Variants in CAB39 observed in about 807,000 individuals in gnomAD.
The protein encoded by CAB39 is calcium-binding protein 39.
In CAB39, 8 loss-of-function variants were observed where a neutral mutation model predicts 40.0. The observed-to-expected ratio is 0.20, with a 90% CI of 0.12 to 0.36. The LOEUF (loss-of-function observed/expected upper bound fraction) is 0.36, where lower values mean the gene tolerates loss of function less well. Among genes scored for constraint, CAB39 ranks in the 10% least tolerant of loss-of-function variants. The pLI, the probability that CAB39 is intolerant of heterozygous loss-of-function variation, is 1.00. For missense variants in CAB39, 270 were observed against 401.1 expected (o/e 0.67, Z 2.79); for synonymous variants, 156 against 141.6 (o/e 1.10, Z -0.72).
intron 2 of CAB39, among the ~76,000 whole-genome samples, chr2:230,785,389 A>T (rs866321316): frequency 1.6e-4 from 2 of 12,820 alleles, no homozygotes; most frequent in African/African-American, 5.6e-4. Context: ...GCAGGGGGGC[A>T]GGGGGGCAGG....
intron 2 of CAB39, among the ~76,000 whole-genome samples, chr2:230,776,024 T>C (rs781417119): frequency 2.6e-5 from 4 of 152,072 alleles, no homozygotes; most frequent in Non-Finnish European, 5.9e-5. Context: ...TTTTTAAGGT[T>C]TTTGGCAGGC....
chr2:230,797,345 T>C (rs902449430), intron 4 of CAB39, among the ~76,000 whole-genome samples: 1 of 152,162 alleles, frequency 6.6e-6, no homozygotes, highest in African/African-American at 2.4e-5. Context: ...TTAAATAATA[T>C]TTATGATTCA....
At chr2:230,795,985 T>G (rs1695979804) in intron 4 of CAB39, among the ~76,000 whole-genome samples, 1 of 152,206 alleles carries the variant, frequency 6.6e-6, no homozygotes, top group South Asian at 2.1e-4. Context: ...AGTCATTACT[T>G]TCTTGTGTCC....
At chr2:230,732,711 T>A (rs1316155575) in intron 1 of CAB39, among the ~76,000 whole-genome samples, 1 of 152,180 alleles carries the variant, frequency 6.6e-6, no homozygotes, top group African/African-American at 2.4e-5. Flanking sequence ...ATCAGTTAGA[T>A]CAGCCTGTTC....
chr2:230,813,561 TTC>T (rs1696341777), intron 6 of CAB39, among the ~76,000 whole-genome samples: 1 of 152,226 alleles, frequency 6.6e-6, no homozygotes, highest in Non-Finnish European at 1.5e-5. Flanking sequence ...GAATTACTTT[TTC>T]TCTTTGCCTG....
chr2:230,798,059 A>G (rs1487726943), intron 4 of CAB39, among the ~76,000 whole-genome samples: 1 of 152,080 alleles, frequency 6.6e-6, no homozygotes, highest in African/African-American at 2.4e-5. Context: ...GTGTCTCTCT[A>G]ATGGCGGGGA....
chr2:230,739,736 C>A (rs958766095), intron 1 of CAB39, among the ~76,000 whole-genome samples: 1 of 152,170 alleles, frequency 6.6e-6, no homozygotes. Flanking sequence ...TCGGGTGATC[C>A]GCCCACCTCG....
In CAB39 at chr2:230,805,639, A is replaced by G. The variant is rs138294197; in HGVS notation, c.568-4624A>G. Among the ~76,000 whole-genome samples the G allele has an allele frequency of 2.4e-3, 358 of 152,332 alleles. 1 individual carries two copies. The highest frequency in any genetic ancestry group is 4.0e-3 in the Non-Finnish European group (272 of 68,024). On this transcript the variant is annotated intron_variant, in intron 5 of 8. Coordinates refer to ENST00000258418, the MANE Select transcript of CAB39 (RefSeq NM_016289.4). Reference sequence around the variant, plus strand: ...ACCATATCAGTTGTTGTGCCTTCACACAGTGTCTATGCAGTAAACATTAGC... The same window carrying G: ...ACCATATCAGTTGTTGTGCCTTCACGCAGTGTCTATGCAGTAAACATTAGC...
rs912743397 is a variant in CAB39, at chr2:230,761,392, T to C, written c.114+1277T>C. Among the ~76,000 whole-genome samples the C allele has an allele frequency of 7.9e-5, 12 of 152,306 alleles. 1 individual carries two copies. In the East Asian group the frequency reaches 1.5e-3, roughly 20 times the overall value. ...TGTAAGTACTTAACTGTAAAAAATA[T>C]GACATACCATTAATAATACCAGGCT... On this transcript the variant is annotated intron_variant, in intron 2 of 8. Coordinates refer to ENST00000258418, the MANE Select transcript of CAB39 (RefSeq NM_016289.4).
intron 1 of CAB39, among the ~76,000 whole-genome samples, chr2:230,732,104 G>A (rs1473465367): frequency 6.6e-6 from 1 of 151,520 alleles, no homozygotes; most frequent in Non-Finnish European, 1.5e-5. Context: ...GCGGGGGAGG[G>A]GGACTGTCTC....
chr2:230,811,419 CTTTATT>C (rs1412540196), intron 6 of CAB39, among the ~76,000 whole-genome samples: 1 of 152,120 alleles, frequency 6.6e-6, no homozygotes, highest in Non-Finnish European at 1.5e-5. Flanking sequence ...ATTGCTGGTC[CTTTATT>C]TTTATTTCAG....
chr2:230,816,280 A>T (rs939816333), intron 7 of CAB39, among the ~76,000 whole-genome samples: 1 of 152,234 alleles, frequency 6.6e-6, no homozygotes, highest in Non-Finnish European at 1.5e-5. Flanking sequence ...CAAAAAATAA[A>T]AAAAGAATTA....
At chr2:230,749,162 A>G (rs1262006379) in intron 1 of CAB39, among the ~76,000 whole-genome samples, 2 of 151,818 alleles carry the variant, frequency 1.3e-5, no homozygotes, top group African/African-American at 4.8e-5. Flanking sequence ...TATTAAATAT[A>G]CAATACTTTA....
intron 7 of CAB39, among the ~76,000 whole-genome samples, chr2:230,814,829 G>T (rs567532604): frequency 1.4e-4 from 21 of 152,282 alleles, no homozygotes; most frequent in African/African-American, 4.8e-4. Context: ...TCTTATAGCA[G>T]TTAAGAAGTG....
chr2:230,723,941 G>A (rs1694503014), intron 1 of CAB39, among the ~76,000 whole-genome samples: 1 of 152,144 alleles, frequency 6.6e-6, no homozygotes, highest in Non-Finnish European at 1.5e-5. Flanking sequence ...TACCAATTCA[G>A]TATGCAAATA....
chr2:230,769,229 C>T (rs1163604221), intron 2 of CAB39, among the ~76,000 whole-genome samples: 4 of 152,112 alleles, frequency 2.6e-5, no homozygotes, highest in Non-Finnish European at 5.9e-5. Context: ...CATTTATGCA[C>T]TTAGTAACAG....
intron 2 of CAB39, among the ~76,000 whole-genome samples, chr2:230,768,780 C>T (rs1695433333): frequency 6.6e-6 from 1 of 151,768 alleles, no homozygotes; most frequent in South Asian, 2.1e-4. Flanking sequence ...GACCATGTGT[C>T]AAAAAGAAAC....
rs570609648 is a variant in CAB39 at position 230,817,624 on chromosome 2, G to A, written c.694-130G>A. 41 of 650,202 alleles carry A rather than the reference G, an allele frequency of 6.3e-5. No homozygotes were observed. The South Asian group carries it at 8.8e-4, about 14-fold the overall frequency. 40.3% of individuals were successfully genotyped at this position (650,202 alleles called of 1,614,324 possible). ...TTCGTAGCTTTTAGGTTGTAATTCA[G>A]TTCAGTTCTTCGGTCTTTTGAGTGC... On this transcript the variant is annotated intron_variant, in intron 7 of 8. Coordinates refer to ENST00000258418, the MANE Select transcript of CAB39 (RefSeq NM_016289.4).
At chr2:230,817,677 T>A (rs910166090) in intron 7 of CAB39, 77 bp from the exon 8 acceptor site, 7 of 1,164,212 alleles carry the variant, frequency 6.0e-6, no homozygotes, top group Non-Finnish European at 8.5e-6. Flanking sequence ...TTGATGATTA[T>A]AAAATAAATT....
Sources: allele counts gnomAD v4.1 joint callset (sites outside exome capture counted in the v4.1 genomes callset), GRCh38; gene constraint gnomAD v4.1.1; transcripts MANE v1.5; gene names NCBI Gene and HGNC (gene_info 2026-07-23, HGNC 2026-07-21).